The following MEI4 variants were observed in gnomAD, a reference collection of about 807,000 sequenced individuals.
The protein encoded by MEI4 is meiosis-specific protein MEI4.
Under a neutral mutation model 31.4 loss-of-function variants are expected in MEI4, and 27 were observed. The observed-to-expected ratio is 0.86, with a 90% CI of 0.63 to 1.19. MEI4 has a LOEUF of 1.19. MEI4 is among the 50% of genes most tolerant of loss of function. MEI4 has a pLI of 0.00. For synonymous variants in MEI4, 122 were observed against 145.4 expected, an observed-to-expected ratio of 0.84 and a Z score of 1.16; for missense variants, 329 against 398.9, an observed-to-expected ratio of 0.82 and a Z score of 1.49.
intron 2 of MEI4, among the ~76,000 whole-genome samples, chr6:77,691,580 C>T (rs1769158504): frequency 6.6e-6 from 1 of 151,856 alleles, no homozygotes; most frequent in Non-Finnish European, 1.5e-5. Flanking sequence ...TTAAGAGTGA[C>T]CAGAACACTT....
intron 1 of MEI4, among the ~76,000 whole-genome samples, chr6:77,675,774 T>C (rs926834507): frequency 6.6e-6 from 1 of 152,188 alleles, no homozygotes; most frequent in African/African-American, 2.4e-5. Context: ...TGCACATTCC[T>C]TCCTGTACAG....
chr6:77,824,510 G>T (rs1003745825), intron 3 of MEI4, among the ~76,000 whole-genome samples: 1 of 152,064 alleles, frequency 6.6e-6, no homozygotes, highest in African/African-American at 2.4e-5. Context: ...GTATATGTAA[G>T]CAGTAAGTAC....
rs576785993 is a variant in MEI4 at position 77,743,301 on chromosome 6, C to A, written c.233-17829C>A. On this transcript the variant is annotated intron_variant, in intron 2 of 4. Transcript: ENST00000684080. ...TTGTATCCTCTTTTATTTCCTTGAG[C>A]AGTGGTTTGTAGTTCTCCTTGAAGA... 9.3e-3 allele frequency among the ~76,000 whole-genome samples: 1,421 copies of A among 152,018 alleles called. 8 individuals are homozygous for A. The highest frequency in any genetic ancestry group is 0.013 in the Non-Finnish European group (872 of 68,024).
chr6:77,887,969 A>G (rs1433385150), intron 4 of MEI4, among the ~76,000 whole-genome samples: 1 of 152,186 alleles, frequency 6.6e-6, no homozygotes, highest in African/African-American at 2.4e-5. Flanking sequence ...ATGTTTACTT[A>G]GAATTATTAT....
intron 4 of MEI4, among the ~76,000 whole-genome samples, chr6:77,875,574 G>T (rs1771313921): frequency 6.6e-6 from 1 of 152,150 alleles, no homozygotes; most frequent in South Asian, 2.1e-4. Flanking sequence ...TATTGCTAGT[G>T]ATTTGTCAGC....
At chr6:77,736,780 C>T (rs1444328643) in intron 2 of MEI4, among the ~76,000 whole-genome samples, 1 of 152,006 alleles carries the variant, frequency 6.6e-6, no homozygotes, top group Admixed American at 6.6e-5. Flanking sequence ...TAATTGTACC[C>T]AATGAGACCC....
At chr6:77,789,036 G>A (rs992547876) in intron 3 of MEI4, among the ~76,000 whole-genome samples, 1 of 152,200 alleles carries the variant, frequency 6.6e-6, no homozygotes, top group Non-Finnish European at 1.5e-5. Context: ...AAATAGCATG[G>A]TACTGGTACC....
intron 4 of MEI4, among the ~76,000 whole-genome samples, chr6:77,871,294 CACAA>C (rs1008923739): frequency 6.6e-6 from 1 of 152,062 alleles, no homozygotes; most frequent in Non-Finnish European, 1.5e-5. Flanking sequence ...CCTATTAAAA[CACAA>C]ACAAAAACAA....
At chr6:77,762,816 A>G (rs1356051732) in intron 3 of MEI4, among the ~76,000 whole-genome samples, 1 of 152,184 alleles carries the variant, frequency 6.6e-6, no homozygotes, top group Non-Finnish European at 1.5e-5. Flanking sequence ...GAAAATGGAA[A>G]TCTTTTTCTT....
At chr6:77,876,540 CTG>C (rs1771344507) in intron 4 of MEI4, among the ~76,000 whole-genome samples, 4 of 152,138 alleles carry the variant, frequency 2.6e-5, no homozygotes, top group Admixed American at 2.6e-4. Flanking sequence ...ATTACTCAGT[CTG>C]TGGTTTTCTG....
Position 77,822,785 on chromosome 6 carries a change from A to AT in MEI4, c.769-6136dup, listed in dbSNP as rs1329648669. 4.9e-3 allele frequency among the ~76,000 whole-genome samples: 720 copies of AT among 146,174 alleles called. 4 individuals carry two copies. Among genetic ancestry groups the AT allele is most frequent in the African/African-American group, 0.015 (603 of 39,892 alleles). ...CAGGCACCCACCACCACTCCTGGCT[A>AT]TTTTTTTTTTGTATTTTTAGTAGAA... On this transcript the variant is annotated intron_variant, in intron 3 of 4. Transcript: ENST00000684080.
At chr6:77,879,800 G>A (rs1771433824) in intron 4 of MEI4, among the ~76,000 whole-genome samples, 1 of 152,100 alleles carries the variant, frequency 6.6e-6, no homozygotes. Context: ...GGCCTTACAG[G>A]ATCTGCTTTC....
intron 2 of MEI4, among the ~76,000 whole-genome samples, chr6:77,713,153 G>T (rs1766504590): frequency 6.6e-6 from 1 of 152,020 alleles, no homozygotes; most frequent in East Asian, 1.9e-4. Flanking sequence ...TTTGGAGCAA[G>T]TTGCTTACCT....
chr6:77,753,420 C>T (rs187015667), intron 2 of MEI4, among the ~76,000 whole-genome samples: 1 of 152,160 alleles, frequency 6.6e-6, no homozygotes, highest in East Asian at 1.9e-4. Flanking sequence ...AAAAAACAAC[C>T]CCATCAAAAA....
chr6:77,739,964 G>A (rs569910949), intron 2 of MEI4, among the ~76,000 whole-genome samples: 1 of 152,218 alleles, frequency 6.6e-6, no homozygotes, highest in African/African-American at 2.4e-5. Flanking sequence ...TCCTAACCCT[G>A]CCTTAGCTGT....
chr6:77,745,147 A>C (rs1339447799), intron 2 of MEI4, among the ~76,000 whole-genome samples: 1 of 152,206 alleles, frequency 6.6e-6, no homozygotes, highest in Non-Finnish European at 1.5e-5. Flanking sequence ...AATGGACTAA[A>C]TGCTCCAATT....
chr6:77,787,851 A>G (rs558061653), intron 3 of MEI4, among the ~76,000 whole-genome samples: 1 of 152,308 alleles, frequency 6.6e-6, no homozygotes, highest in East Asian at 1.9e-4. Flanking sequence ...AAATAAAGAA[A>G]TAGAAACCAC....
chr6:77,771,428 C>T (rs6454004), intron 3 of MEI4, among the ~76,000 whole-genome samples: 22,540 of 152,028 alleles, frequency 0.15, 2,032 homozygotes, highest in East Asian at 0.4. Context: ...CTGGAAATTT[C>T]ATTATTGGGT....
chr6:77,836,772 A>G (rs922912073), intron 4 of MEI4, among the ~76,000 whole-genome samples: 10 of 152,126 alleles, frequency 6.6e-5, no homozygotes, highest in East Asian at 5.8e-4. Flanking sequence ...TGTCTTGATC[A>G]TATCTAAGAT....
Sources: gnomAD v4.1 joint callset for allele counts (sites outside exome capture counted in the v4.1 genomes callset) on GRCh38, gnomAD v4.1.1 for gene constraint, MANE v1.5 for transcripts, NCBI Gene and HGNC (gene_info 2026-07-23, HGNC 2026-07-21) for gene names.